Variants in FAN1 observed in about 807,000 individuals in gnomAD.
FAN1 encodes the protein FANCD2 and FANCI associated nuclease 1.
FAN1 carries 91 observed loss-of-function variants against 104.9 expected under a neutral mutation model. The observed-to-expected ratio is 0.87, with a 90% CI of 0.73 to 1.03. The LOEUF is 1.03. Among genes scored for constraint, FAN1 ranks in the 50% least tolerant of loss-of-function variants. The pLI is 0.00. For synonymous variants in FAN1, 478 were observed against 457.6 expected, an observed-to-expected ratio of 1.04 and a Z score of -0.57; for missense variants, 1,263 against 1,239.9, an observed-to-expected ratio of 1.02 and a Z score of -0.28.
intron 8 of FAN1, among the ~76,000 whole-genome samples, chr15:30,924,150 T>G (rs983844973): frequency 2.6e-5 from 4 of 152,374 alleles, no homozygotes; most frequent in African/African-American, 9.6e-5. Flanking sequence ...TTTCTGAGCT[T>G]CACCCGCATC....
At chr15:30,940,704 T>C in intron 14 of FAN1, 1 of 988,338 alleles carries the variant, frequency 1.0e-6, no homozygotes, top group South Asian at 4.7e-5. Context: ...TGGGGACTCC[T>C]GGCTATGAAG....
chr15:30,919,033 A>T (rs983473316), intron 6 of FAN1, among the ~76,000 whole-genome samples: 1 of 152,194 alleles, frequency 6.6e-6, no homozygotes, highest in Non-Finnish European at 1.5e-5. Context: ...TATATGCATT[A>T]TATGCTGTAT....
At chr15:30,938,214 C>G (rs921306990) in intron 14 of FAN1, among the ~76,000 whole-genome samples, 1 of 151,924 alleles carries the variant, frequency 6.6e-6, no homozygotes, top group African/African-American at 2.4e-5. Context: ...ACTAGCATAA[C>G]CAGTGTTTCC....
rs201814639 is a variant in FAN1, at chr15:30,925,962, G to A, written c.2488+23G>A. On this transcript the variant is annotated intron_variant, in intron 10 of 14. Coordinates refer to ENST00000362065, the MANE Select transcript of FAN1 (RefSeq NM_014967.5). ...AGGGTAACTGAGCAGGCTTTCTCTT[G>A]TGGCACCCAGCCCCGGGTGGACGAG... 5.8e-5 allele frequency: 94 copies of A among 1,612,504 alleles called. 3 individuals carry two copies. The East Asian group carries it at 1.5e-3, about 26-fold the overall frequency.
chr15:30,914,044 C>T lies in FAN1; in HGVS notation c.1764C>T (p.Thr588=), dbSNP rs771327713. 1 of 1,614,140 alleles carries T rather than the reference C, an allele frequency of 6.2e-7. No homozygotes were observed. Among genetic ancestry groups the T allele is most frequent in the East Asian group, 2.2e-5 (1 of 44,874 alleles). The change falls in exon 5 of 15, where the codon ACC becomes ACT. Residue 588 remains threonine (T), a synonymous_variant. Coordinates refer to ENST00000362065, the MANE Select transcript of FAN1 (RefSeq NM_014967.5). ...GCCGAATGGAGTTTCCTAGTTACACCATCAATCGGAAAACCCACATCTTCC... is the reference window on the plus strand; with the variant it reads ...GCCGAATGGAGTTTCCTAGTTACACTATCAATCGGAAAACCCACATCTTCC... The part of the protein sequence containing the change: ...NLGRMEFPSY[T]INRKTHIFQD...
chr15:30,931,779 T>C (rs1004039842), intron 13 of FAN1, among the ~76,000 whole-genome samples: 3 of 152,160 alleles, frequency 2.0e-5, no homozygotes, highest in Admixed American at 2.0e-4. Flanking sequence ...ATTGATCTGT[T>C]TGTCTGTATT....
At position 30,913,762 on chromosome 15, in the gene FAN1, G is replaced by A; in HGVS notation, c.1578-96G>A. On this transcript the variant is annotated intron_variant, in intron 4 of 14. Transcript: ENST00000362065. ...TGCTCCAGTGTTTAAAATAGTGAATGTCATTTCTCTTTATTTTAGATGAAA... is the reference window on the plus strand; with the variant it reads ...TGCTCCAGTGTTTAAAATAGTGAATATCATTTCTCTTTATTTTAGATGAAA... The A allele has an allele frequency of 4.8e-6, 4 of 832,408 alleles. No homozygotes were observed. In the South Asian group the frequency reaches 7.1e-5, roughly 15 times the overall value. The allele number at this position is 832,408 out of a possible 1,614,324, so 51.6% of individuals were successfully genotyped here.
chr15:30,925,861 G>T lies in FAN1; in HGVS notation c.2410G>T (p.Ala804Ser), dbSNP rs1358068321. Residue 804 changes from alanine to serine, a missense_variant, in exon 10 of 15, where the codon GCC becomes TCC. By Grantham distance (99) the Ala-to-Ser change is moderately conservative. Around this residue, in one of 2 missense-constraint regions of FAN1, gnomAD observed 581 missense variants for 668.8 expected, o/e 0.87. Transcript: ENST00000362065. ...KSVFVMEAGE[A>S]ADPTTVLCSV... ...TGTGTTTGTGATGGAGGCCGGGGAGGCCGCTGACCCCACCACGGTCCTGTG... is the reference window on the plus strand; with the variant it reads ...TGTGTTTGTGATGGAGGCCGGGGAGTCCGCTGACCCCACCACGGTCCTGTG... The T allele has an allele frequency of 6.2e-7, 1 of 1,614,224 alleles. No individual in the cohort carries two copies. Among genetic ancestry groups the T allele is most frequent in the Non-Finnish European group, 8.5e-7 (1 of 1,180,036 alleles).
At position 30,943,072 on chromosome 15, in the gene FAN1, C is replaced by T; in HGVS notation, c.*1510C>T. 1 of 1,525,202 alleles carries T rather than the reference C, an allele frequency of 6.6e-7. No homozygotes were observed. The highest frequency in any genetic ancestry group is 1.7e-4 in the Middle Eastern group (1 of 5,844). 94.5% of individuals were successfully genotyped at this position (1,525,202 alleles called of 1,614,324 possible). On this transcript the variant is annotated 3_prime_UTR_variant, in exon 15 of 15. Coordinates refer to ENST00000362065, the MANE Select transcript of FAN1 (RefSeq NM_014967.5). ...TGGATGTTTTTGCTTATAGCAAATT[C>T]CTGCAAAATAAATAAATAAATATTT...
rs776559468 is a variant in FAN1 at position 30,908,261 on chromosome 15, A to G, written c.1375+3A>G. Reference sequence around the variant, plus strand: ...GAATGCAGGCTTTCTACAGACAGGTATGACTAGTAGAAGGAGATGTGAAAT... The same window carrying G: ...GAATGCAGGCTTTCTACAGACAGGTGTGACTAGTAGAAGGAGATGTGAAAT... On this transcript the variant is annotated splice_donor_region_variant and intron_variant, in intron 3 of 14. Transcript: ENST00000362065. 8.2e-6 allele frequency: 13 copies of G among 1,593,150 alleles called. No homozygotes were observed. In the East Asian group the frequency reaches 2.5e-4, roughly 30 times the overall value.
At chr15:30,924,473 T>A (rs2062410261) in intron 8 of FAN1, among the ~76,000 whole-genome samples, 1 of 152,214 alleles carries the variant, frequency 6.6e-6, no homozygotes, top group Admixed American at 6.5e-5. Context: ...GTTTCTGGTT[T>A]CTCTACCTCC....
intron 12 of FAN1, among the ~76,000 whole-genome samples, chr15:30,929,691 T>A (rs1259557196): frequency 9.3e-6 from 1 of 107,510 alleles, no homozygotes; most frequent in South Asian, 2.5e-4. Flanking sequence ...ATAATATATA[T>A]AAAATATATA....
chr15:30,912,719 G>A (rs2062124457), intron 4 of FAN1, among the ~76,000 whole-genome samples: 1 of 152,178 alleles, frequency 6.6e-6, no homozygotes. Flanking sequence ...GGCATCATCT[G>A]GAGACATTTT....
intron 4 of FAN1, chr15:30,911,150 A>G (rs1273809244): frequency 9.4e-7 from 1 of 1,059,336 alleles, no homozygotes; most frequent in Non-Finnish European, 1.1e-6. Context: ...TTTTTATTTT[A>G]GTTTTTGTTT....
At chr15:30,936,556 A>T (rs1595890038) in intron 13 of FAN1, among the ~76,000 whole-genome samples, 1 of 152,372 alleles carries the variant, frequency 6.6e-6, no homozygotes, top group East Asian at 1.9e-4. Context: ...GTTTCTACAG[A>T]ATAGAAGAAT....
intron 13 of FAN1, among the ~76,000 whole-genome samples, chr15:30,932,807 G>A (rs2062750908): frequency 6.7e-6 from 1 of 149,808 alleles, no homozygotes; most frequent in Admixed American, 6.7e-5. Context: ...CCGCCTCCTG[G>A]GTTCAAGTGA....
At chr15:30,916,959 C>T (rs1354911862) in intron 5 of FAN1, among the ~76,000 whole-genome samples, 2 of 152,078 alleles carry the variant, frequency 1.3e-5, no homozygotes, top group African/African-American at 2.4e-5. Context: ...TGGGTGCCTG[C>T]GTCCCGGCCG....
At position 30,904,412 on chromosome 15, in the gene FAN1, C is replaced by T. The variant is rs1219481170; in HGVS notation, c.-152-100C>T. On this transcript the variant is annotated intron_variant, in intron 1 of 14. Transcript: ENST00000362065. ...TCTGTCTCACGCTCAGGGTTGTCTC[C>T]TCGTTACAGGAGACCTTGCTCTTAA... 7.0e-6 allele frequency: 4 copies of T among 569,914 alleles called. No individual in the cohort carries two copies. The East Asian group carries it at 9.4e-5, about 13-fold the overall frequency. 35.3% of individuals were successfully genotyped at this position (569,914 alleles called of 1,614,324 possible). A position where few individuals can be genotyped will look rare whatever the true frequency, so the allele number is the denominator to read the frequency against.
chr15:30,905,333 G>C lies in FAN1; in HGVS notation c.670G>C (p.Glu224Gln). 4.3e-6 allele frequency: 7 copies of C among 1,613,824 alleles called. No homozygotes were observed. The highest frequency in any genetic ancestry group is 5.9e-6 in the Non-Finnish European group (7 of 1,179,786). ...GTTTAAATGTGATTCTCTAAAGGAA[G>C]AGTGCATTCCTGAACATATGGTAAG... ...NVFKCDSLKE[E>Q]CIPEHMVRGS... is the part of the protein sequence containing the mutation. Residue 224 changes from glutamate (E) to glutamine (Q), a missense_variant, in exon 2 of 15, where the codon GAG becomes CAG. Coordinates refer to ENST00000362065, the MANE Select transcript of FAN1 (RefSeq NM_014967.5).
Sources: allele counts gnomAD v4.1 joint callset (sites outside exome capture counted in the v4.1 genomes callset), GRCh38; gene constraint gnomAD v4.1.1; regional missense constraint gnomAD v4.1.1; transcripts MANE v1.5; gene names NCBI Gene and HGNC (gene_info 2026-07-23, HGNC 2026-07-21).